The following CSMD1 variants were observed in gnomAD, a reference collection of about 807,000 sequenced individuals.
CSMD1 encodes the protein CUB and Sushi multiple domains 1.
CSMD1 carries 213 observed loss-of-function variants against 417.5 expected under a neutral mutation model. The observed-to-expected ratio is 0.51, with a 90% confidence interval of 0.46 to 0.57. CSMD1 has a LOEUF of 0.57. CSMD1 is among the 20% of genes least tolerant of loss of function. The pLI is 0.00. For missense variants in CSMD1, 6,923 were observed against 4,529.7 expected, an observed-to-expected ratio of 1.53 and a Z score of -15.17; for synonymous variants, 2,862 against 1,736.8, an observed-to-expected ratio of 1.65 and a Z score of -16.11.
intron 7 of CSMD1, among the ~76,000 whole-genome samples, chr8:3,650,791 C>G (rs896982084): frequency 6.6e-6 from 1 of 152,148 alleles, no homozygotes; most frequent in Non-Finnish European, 1.5e-5. Flanking sequence ...GTTTCCACCC[C>G]TTTTTTCCTT....
At chr8:4,410,781 T>A (rs753907030) in intron 3 of CSMD1, among the ~76,000 whole-genome samples, 5 of 152,192 alleles carry the variant, frequency 3.3e-5, no homozygotes, top group African/African-American at 1.2e-4. Context: ...TAACAACTCA[T>A]GAGTTGAGAC....
intron 7 of CSMD1, among the ~76,000 whole-genome samples, chr8:3,667,077 G>C (rs10092125): frequency 0.14 from 21,820 of 152,052 alleles, 1,945 homozygotes; most frequent in South Asian, 0.22. Context: ...AATGATTATT[G>C]AGTGCTTGGT....
At chr8:4,650,181 T>C in intron 1 of CSMD1, among the ~76,000 whole-genome samples, 1 of 151,458 alleles carries the variant, frequency 6.6e-6, no homozygotes, top group Non-Finnish European at 1.5e-5. Context: ...CCGTCTCTAA[T>C]AAAAATCCAA....
At chr8:3,288,821 CTTTTA>C (rs964960025) in intron 25 of CSMD1, among the ~76,000 whole-genome samples, 17 of 146,504 alleles carry the variant, frequency 1.2e-4, no homozygotes, top group Admixed American at 6.7e-4. Flanking sequence ...AATTGTATTT[CTTTTA>C]TTTTATTTTA....
At chr8:3,244,915 G>C (rs1330502031) in intron 26 of CSMD1, among the ~76,000 whole-genome samples, 1 of 152,156 alleles carries the variant, frequency 6.6e-6, no homozygotes, top group Non-Finnish European at 1.5e-5. Context: ...AGGGCGCTGA[G>C]AAGTAAAACT....
At chr8:4,110,752 G>C (rs1477493684) in intron 3 of CSMD1, among the ~76,000 whole-genome samples, 1 of 151,970 alleles carries the variant, frequency 6.6e-6, no homozygotes, top group South Asian at 2.1e-4. Context: ...AGAGGTTCAT[G>C]AACTCAGATT....
Position 4,969,332 on chromosome 8 carries a change from G to A in CSMD1, c.85+25000C>T, listed in dbSNP as rs555721206. Among the ~76,000 whole-genome samples, 17 of 151,928 alleles carry A rather than the reference G, an allele frequency of 1.1e-4. No homozygotes were observed. The South Asian group carries it at 2.1e-3, about 19-fold the overall frequency. ...GACATTATTAAATATCAGAATATTGGCATTTCCTTATATAATGAGGAAAGC... is the reference window on the plus strand; with the variant it reads ...GACATTATTAAATATCAGAATATTGACATTTCCTTATATAATGAGGAAAGC... On this transcript the variant is annotated intron_variant, in intron 1 of 69. Coordinates refer to ENST00000635120, the MANE Select transcript of CSMD1 (RefSeq NM_033225.6).
chr8:3,838,619 ATAAAT>A (rs1448500286), intron 5 of CSMD1, among the ~76,000 whole-genome samples: 1 of 137,602 alleles, frequency 7.3e-6, no homozygotes, highest in Non-Finnish European at 1.5e-5. Flanking sequence ...TATATAATAA[ATAAAT>A]TAATATATAA....
intron 3 of CSMD1, among the ~76,000 whole-genome samples, chr8:4,242,899 T>C (rs1011039585): frequency 6.6e-6 from 1 of 152,236 alleles, no homozygotes; most frequent in African/African-American, 2.4e-5. Context: ...TTAAAATGTA[T>C]GTTCTAAAAC....
At chr8:3,798,344 A>G (rs1427725578) in intron 5 of CSMD1, among the ~76,000 whole-genome samples, 1 of 152,050 alleles carries the variant, frequency 6.6e-6, no homozygotes, top group African/African-American at 2.4e-5. Context: ...ATCTGATGGC[A>G]GTAAGTCACT....
At chr8:3,814,908 T>C (rs1397103545) in intron 5 of CSMD1, among the ~76,000 whole-genome samples, 1 of 152,146 alleles carries the variant, frequency 6.6e-6, no homozygotes, top group Non-Finnish European at 1.5e-5. Flanking sequence ...TAAATGACTT[T>C]AAAAACCGAC....
chr8:4,592,492 T>C (rs377390987), intron 2 of CSMD1, among the ~76,000 whole-genome samples: 1 of 152,002 alleles, frequency 6.6e-6, no homozygotes, highest in African/African-American at 2.4e-5. Flanking sequence ...GTTTAAGCGA[T>C]TCTCCTGCCT....
chr8:4,250,093 T>C (rs1585096604), intron 3 of CSMD1, among the ~76,000 whole-genome samples: 1 of 152,282 alleles, frequency 6.6e-6, no homozygotes, highest in South Asian at 2.1e-4. Flanking sequence ...CCTTCTGCCA[T>C]GGGATGACTC....
At chr8:3,999,814 C>T (rs1011749551) in intron 4 of CSMD1, among the ~76,000 whole-genome samples, 2 of 152,088 alleles carry the variant, frequency 1.3e-5, no homozygotes, top group Non-Finnish European at 1.5e-5. Context: ...GATGGGTGTT[C>T]TCATGTTTTA....
chr8:3,796,681 T>G (rs561114415), intron 5 of CSMD1, among the ~76,000 whole-genome samples: 2 of 150,422 alleles, frequency 1.3e-5, no homozygotes, highest in East Asian at 3.9e-4. Flanking sequence ...TATGTATACA[T>G]TGGAAGGTTA....
At chr8:3,498,592 C>G (rs1796463720) in intron 10 of CSMD1, among the ~76,000 whole-genome samples, 1 of 152,104 alleles carries the variant, frequency 6.6e-6, no homozygotes, top group Non-Finnish European at 1.5e-5. Flanking sequence ...TATAGATATC[C>G]TACACCTTTC....
intron 2 of CSMD1, among the ~76,000 whole-genome samples, chr8:4,519,196 T>C (rs1396586428): frequency 1.3e-5 from 2 of 152,148 alleles, no homozygotes; most frequent in Non-Finnish European, 2.9e-5. Flanking sequence ...AATAAATTAC[T>C]AGATCTTTGA....
At chr8:4,258,751 T>C (rs1271860335) in intron 3 of CSMD1, among the ~76,000 whole-genome samples, 1 of 151,968 alleles carries the variant, frequency 6.6e-6, no homozygotes, top group Non-Finnish European at 1.5e-5. Context: ...GACACAGACA[T>C]TTAGTCCTTA....
At chr8:3,654,460 A>G (rs1201206950) in intron 7 of CSMD1, among the ~76,000 whole-genome samples, 2 of 152,180 alleles carry the variant, frequency 1.3e-5, no homozygotes, top group African/African-American at 4.8e-5. Flanking sequence ...TGGTACAGGA[A>G]GAGGGTACAC....
Sources: gnomAD v4.1 joint callset for allele counts (sites outside exome capture counted in the v4.1 genomes callset) on GRCh38, gnomAD v4.1.1 for gene constraint, MANE v1.5 for transcripts, NCBI Gene and HGNC (gene_info 2026-07-23, HGNC 2026-07-21) for gene names.